Variants in RBM47 observed in about 807,000 individuals in gnomAD.
RBM47 encodes RNA-binding protein 47.
In RBM47, 21 loss-of-function variants were observed where a neutral mutation model predicts 47.1. The observed-to-expected ratio is 0.45, with a 90% CI of 0.32 to 0.64. RBM47 has a LOEUF of 0.64. RBM47 is among the 30% of genes least tolerant of loss of function. The pLI, the probability that RBM47 is intolerant of heterozygous loss-of-function variation, is 0.05. For missense variants in RBM47, 708 were observed against 870.9 expected, an observed-to-expected ratio of 0.81 and a Z score of 2.35; for synonymous variants, 375 against 361.7, an observed-to-expected ratio of 1.04 and a Z score of -0.42.
chr4:40,514,353 C>T (rs1043206278), intron 2 of RBM47, among the ~76,000 whole-genome samples: 6 of 152,154 alleles, frequency 3.9e-5, no homozygotes, highest in African/African-American at 1.4e-4. Flanking sequence ...CTAAAGATTA[C>T]AATTATCCGG....
chr4:40,529,067 G>A (rs925911807), intron 2 of RBM47, among the ~76,000 whole-genome samples: 6 of 152,114 alleles, frequency 3.9e-5, no homozygotes, highest in African/African-American at 1.4e-4. Flanking sequence ...GCTGCTATCA[G>A]GATAGTAGCC....
intron 5 of RBM47, among the ~76,000 whole-genome samples, chr4:40,433,157 C>T (rs181626140): frequency 1.3e-5 from 2 of 152,184 alleles, no homozygotes; most frequent in African/African-American, 4.8e-5. Flanking sequence ...GACAGGGTTT[C>T]GCCACGTTGC....
chr4:40,478,177 G>A (rs1054614009), intron 2 of RBM47, among the ~76,000 whole-genome samples: 3 of 151,910 alleles, frequency 2.0e-5, no homozygotes, highest in African/African-American at 4.8e-5. Flanking sequence ...CACCACGCCC[G>A]GATAATTTTG....
intron 3 of RBM47, among the ~76,000 whole-genome samples, chr4:40,446,370 T>G (rs1577652389): frequency 6.6e-6 from 1 of 152,236 alleles, no homozygotes; most frequent in Middle Eastern, 3.4e-3. Context: ...TGATGAGGAT[T>G]AAGTAAAATG....
At chr4:40,625,934 T>C (rs80160772) in intron 1 of RBM47, among the ~76,000 whole-genome samples, 2,394 of 152,310 alleles carry the variant, frequency 0.016, 61 homozygotes, top group African/African-American at 0.052. Context: ...CCCGATGTCA[T>C]CTCCCTGAAA....
At chr4:40,444,439 A>T (rs1714186758) in intron 3 of RBM47, among the ~76,000 whole-genome samples, 1 of 151,940 alleles carries the variant, frequency 6.6e-6, no homozygotes, top group African/African-American at 2.4e-5. Context: ...AAAAAAAAGA[A>T]AAGATAATGT....
chr4:40,446,282 A>C (rs1335545788), intron 3 of RBM47, among the ~76,000 whole-genome samples: 2 of 152,172 alleles, frequency 1.3e-5, no homozygotes, highest in Middle Eastern at 3.2e-3. Context: ...AGGCACAGAG[A>C]GGCTAAGTAG....
chr4:40,448,679 C>G (rs1324231447), intron 3 of RBM47, among the ~76,000 whole-genome samples: 2 of 152,186 alleles, frequency 1.3e-5, no homozygotes, highest in African/African-American at 2.4e-5. Context: ...AGTTCCATTT[C>G]CACATCTCTA....
At chr4:40,468,321 T>C (rs1422165706) in intron 2 of RBM47, among the ~76,000 whole-genome samples, 1 of 151,804 alleles carries the variant, frequency 6.6e-6, no homozygotes, top group Non-Finnish European at 1.5e-5. Context: ...AATAAAGGAG[T>C]TGGATTACCA....
In RBM47 at chr4:40,527,360, C is replaced by T. The variant is rs543005197; in HGVS notation, c.-155+17062G>A. Reference sequence around the variant, plus strand: ...GGAGTGCAGTGGTGTGATCTCGGCTCACTGCAACCTCTGCCTCCCAGATTC... The same window carrying T: ...GGAGTGCAGTGGTGTGATCTCGGCTTACTGCAACCTCTGCCTCCCAGATTC... On this transcript the variant is annotated intron_variant, in intron 2 of 6. Transcript: ENST00000295971. Among the ~76,000 whole-genome samples the T allele has an allele frequency of 8.1e-5, 12 of 148,856 alleles. No individual in the cohort carries two copies. In the East Asian group the frequency reaches 2.4e-3, roughly 30 times the overall value.
At chr4:40,455,147 C>T (rs1361967076) in intron 3 of RBM47, among the ~76,000 whole-genome samples, 2 of 152,196 alleles carry the variant, frequency 1.3e-5, no homozygotes, top group African/African-American at 4.8e-5. Flanking sequence ...GTCCCATAGC[C>T]TATTTCTGGC....
intron 3 of RBM47, among the ~76,000 whole-genome samples, chr4:40,460,801 T>C (rs1208635674): frequency 6.8e-6 from 1 of 147,502 alleles, no homozygotes; most frequent in Non-Finnish European, 1.5e-5. Flanking sequence ...GGCAGGACAA[T>C]CTCTTGAACC....
chr4:40,554,161 G>A (rs975950810), intron 1 of RBM47, among the ~76,000 whole-genome samples: 2 of 152,036 alleles, frequency 1.3e-5, no homozygotes, highest in African/African-American at 4.8e-5. Context: ...GCTCTCTAAG[G>A]CCTCATTCAA....
intron 2 of RBM47, among the ~76,000 whole-genome samples, chr4:40,505,731 CAA>C (rs527797923): frequency 7.0e-6 from 1 of 143,312 alleles, no homozygotes. Context: ...ACTAAAAATA[CAA>C]AAAAAAAAAT....
At chr4:40,470,282 T>C (rs565201846) in intron 2 of RBM47, among the ~76,000 whole-genome samples, 8 of 152,182 alleles carry the variant, frequency 5.3e-5, no homozygotes, top group African/African-American at 1.9e-4. Flanking sequence ...ATGGAGTCTT[T>C]ATAAAGACCA....
In RBM47 at chr4:40,621,390, A is replaced by T. The variant is rs574209129; in HGVS notation, c.-240+8006T>A. Among the ~76,000 whole-genome samples the T allele has an allele frequency of 2.6e-5, 4 of 152,336 alleles. No homozygotes were observed. The East Asian group carries it at 7.7e-4, about 29-fold the overall frequency. ...GCAAACAAACATGACAGATCAGAGA[A>T]TTGTTTTGCCACTTTGTAAAGGCAA... On this transcript the variant is annotated intron_variant, in intron 1 of 6. Transcript: ENST00000295971.
intron 3 of RBM47, among the ~76,000 whole-genome samples, chr4:40,465,719 T>C (rs974816225): frequency 2.0e-5 from 3 of 151,988 alleles, no homozygotes; most frequent in Non-Finnish European, 4.4e-5. Flanking sequence ...CTGCAACCTC[T>C]GCCTCCTTGG....
rs374138619 is a variant in RBM47, at chr4:40,549,708, T to G, written c.-239-5202A>C. ...CAGCTAATTTTTTTTTGAGACGGAG[T>G]CTCACTCTGTCGCCCAGGCTAGAGT... On this transcript the variant is annotated intron_variant, in intron 1 of 6. Transcript: ENST00000295971. 2.7e-4 allele frequency among the ~76,000 whole-genome samples: 38 copies of G among 143,358 alleles called. 1 individual carries two copies. In the South Asian group the frequency reaches 8.1e-3, roughly 31 times the overall value. 94.0% of individuals were successfully genotyped at this position (143,358 alleles called of 152,430 possible). A position where few individuals can be genotyped will look rare whatever the true frequency, so the allele number is the denominator to read the frequency against.
intron 3 of RBM47, among the ~76,000 whole-genome samples, chr4:40,454,636 T>C (rs1715956789): frequency 6.6e-6 from 1 of 152,132 alleles, no homozygotes; most frequent in South Asian, 2.1e-4. Context: ...GCTGGGACTA[T>C]AGACAAGTGC....
Sources: gnomAD v4.1 joint callset for allele counts (sites outside exome capture counted in the v4.1 genomes callset) on GRCh38, gnomAD v4.1.1 for gene constraint, MANE v1.5 for transcripts, NCBI Gene and HGNC (gene_info 2026-07-23, HGNC 2026-07-21) for gene names.